ADAM28: variants seen among roughly 807,000 people sequenced by gnomAD.
ADAM28 encodes the protein disintegrin and metalloproteinase domain-containing protein 28.
A neutral mutation model predicts 101.2 loss-of-function variants in ADAM28; 105 were observed. That is an observed-to-expected ratio of 1.04 (90% CI 0.89 to 1.22). The LOEUF (loss-of-function observed/expected upper bound fraction) is 1.22, where lower values mean the gene tolerates loss of function less well. ADAM28 is among the 50% of genes most tolerant of loss of function. The probability of loss-of-function intolerance (pLI) is 0.00; values close to 1 mark genes in which losing one functional copy is unlikely to be tolerated. For missense variants in ADAM28, 1,028 were observed against 945.4 expected, an observed-to-expected ratio of 1.09 and a Z score of -1.15; for synonymous variants, 322 against 310.6, an observed-to-expected ratio of 1.04 and a Z score of -0.39.
At chr8:24,320,956 TAAG>T (rs2129287059) in intron 7 of ADAM28, among the ~76,000 whole-genome samples, 1 of 152,054 alleles carries the variant, frequency 6.6e-6, no homozygotes, top group Non-Finnish European at 1.5e-5. Context: ...CCATAGAATT[TAAG>T]TGAAAATACA....
chr8:24,338,088 G>A (rs1396754106), intron 14 of ADAM28, among the ~76,000 whole-genome samples: 1 of 152,094 alleles, frequency 6.6e-6, no homozygotes. Flanking sequence ...ACAGAAAAAT[G>A]CATACACAAA....
chr8:24,353,794 C>T lies in ADAM28; in HGVS notation c.2269C>T (p.Pro757Ser), dbSNP rs139099695. Residue 757 changes from proline to serine, a missense_variant, in exon 22 of 23, where the codon CCT (proline) becomes TCT (serine). Transcript: ENST00000265769. ...SFHKDTNALPPTVFKDNPVST... is the reference protein window; with the variant it reads ...SFHKDTNALPSTVFKDNPVST... ...GCATAAAGACACAAACGCACTTCCC[C>T]CTACTGTTTTCAAGGATAATCCAGT... 1.0e-4 allele frequency: 156 copies of T among 1,521,688 alleles called. No individual in the cohort carries two copies. The highest frequency in any genetic ancestry group is 1.3e-4 in the Non-Finnish European group (143 of 1,096,650). The allele number at this position is 1,521,688 out of a possible 1,614,324, so 94.3% of individuals were successfully genotyped here.
intron 1 of ADAM28, among the ~76,000 whole-genome samples, chr8:24,297,577 C>T (rs1808137273): frequency 1.3e-5 from 2 of 152,170 alleles, no homozygotes; most frequent in Admixed American, 6.5e-5. Context: ...TTGGCTGCAA[C>T]ATTGGTGAAA....
At chr8:24,346,121 A>C (rs959481450) in intron 18 of ADAM28, among the ~76,000 whole-genome samples, 2 of 152,086 alleles carry the variant, frequency 1.3e-5, no homozygotes, top group Non-Finnish European at 2.9e-5. Flanking sequence ...TACTATAGCT[A>C]TGGTCCTAAA....
At chr8:24,348,623 T>A (rs776869324) in intron 18 of ADAM28, among the ~76,000 whole-genome samples, 3 of 152,284 alleles carry the variant, frequency 2.0e-5, no homozygotes, top group South Asian at 4.1e-4. Context: ...TTGCAAAAAA[T>A]TTAAAGATTA....
At chr8:24,311,505 G>C in intron 5 of ADAM28, 68 bp downstream of exon 5, 2 of 1,236,478 alleles carry the variant, frequency 1.6e-6, no homozygotes, top group Non-Finnish European at 2.3e-6. Context: ...TAACCAACCA[G>C]ATGAATCCCA....
At chr8:24,315,073 T>A (rs1208077130) in intron 6 of ADAM28, among the ~76,000 whole-genome samples, 1 of 151,912 alleles carries the variant, frequency 6.6e-6, no homozygotes, top group Admixed American at 6.6e-5. Context: ...TAGGAGATCC[T>A]TACCTATAAA....
At position 24,304,590 on chromosome 8, in the gene ADAM28, G is replaced by T. The variant is rs143138670; in HGVS notation, c.150+4513G>T. Among the ~76,000 whole-genome samples, 1,046 of 152,230 alleles carry T rather than the reference G, an allele frequency of 6.9e-3. 15 individuals are homozygous for T. The highest frequency in any genetic ancestry group is 0.024 in the African/African-American group (993 of 41,538). ...TATTCAAGATTATGCTATGGGCTGG[G>T]TGCATTGGCTCACACCTGTAATCCC... On this transcript the variant is annotated intron_variant, in intron 2 of 22. Transcript: ENST00000265769.
At chr8:24,301,588 C>G (rs563799691) in intron 2 of ADAM28, among the ~76,000 whole-genome samples, 1 of 152,264 alleles carries the variant, frequency 6.6e-6, no homozygotes. Flanking sequence ...GAGATAGGGG[C>G]TCAGAAAATT....
chr8:24,356,731 TTCA>T lies in ADAM28; in HGVS notation c.*2332_*2334del, dbSNP rs1046082431. Reference sequence around the variant, plus strand: ...CCTCAGATATGCCACCAAACCTGTTTTCATCATTAGTTATTTTTACCTTGTCTA... The same window carrying T: ...CCTCAGATATGCCACCAAACCTGTTTTCATTAGTTATTTTTACCTTGTCTA... On this transcript the variant is annotated 3_prime_UTR_variant, in exon 23 of 23. Transcript: ENST00000265769. 4 of 152,188 alleles carry T rather than the reference TTCA, an allele frequency of 2.6e-5. No individual in the cohort carries two copies. Among genetic ancestry groups the T allele is most frequent in the African/African-American group, 7.2e-5 (3 of 41,452 alleles). The allele number at this position is 152,188 out of a possible 1,614,324, so 9.4% of individuals were successfully genotyped here. A position where few individuals can be genotyped will look rare whatever the true frequency, so the allele number is the denominator to read the frequency against.
chr8:24,295,305 C>G lies in ADAM28; in HGVS notation c.46+1110C>G, dbSNP rs145925074. On this transcript the variant is annotated intron_variant, in intron 1 of 22. Transcript: ENST00000265769. Reference sequence around the variant, plus strand: ...CACTGTGCTGTGATCCTCTTCATCTCTAATGCCTTTTGCTTTGATACCTAT... The same window carrying G: ...CACTGTGCTGTGATCCTCTTCATCTGTAATGCCTTTTGCTTTGATACCTAT... 6.4e-3 allele frequency among the ~76,000 whole-genome samples: 972 copies of G among 152,262 alleles called. 6 individuals carry two copies. Among genetic ancestry groups the G allele is most frequent in the Non-Finnish European group, 0.01 (689 of 68,024 alleles).
intron 6 of ADAM28, among the ~76,000 whole-genome samples, chr8:24,318,312 T>C (rs1811432022): frequency 6.6e-6 from 1 of 152,022 alleles, no homozygotes; most frequent in Admixed American, 6.6e-5. Context: ...GGCTTTCCTC[T>C]ACCTCAGGAG....
chr8:24,305,475 TTTA>T (rs1433372443), intron 2 of ADAM28, among the ~76,000 whole-genome samples: 27 of 142,980 alleles, frequency 1.9e-4, no homozygotes, highest in African/African-American at 6.4e-4. Flanking sequence ...TTTTTTTTTT[TTTA>T]AAATATGTCT....
At chr8:24,308,771 A>G (rs1810039244) in intron 2 of ADAM28, 2 of 451,028 alleles carry the variant, frequency 4.4e-6, no homozygotes, top group South Asian at 3.1e-5. Context: ...TAAGCAAAGT[A>G]TGGACTGTAA....
chr8:24,317,984 T>A (rs534098675), intron 6 of ADAM28, among the ~76,000 whole-genome samples: 1 of 152,148 alleles, frequency 6.6e-6, no homozygotes, highest in Admixed American at 6.6e-5. Flanking sequence ...CCAGCAGCCC[T>A]CAGAACCAGA....
intron 6 of ADAM28, 69 bp downstream of exon 6, chr8:24,313,649 A>G (rs1810771704): frequency 1.3e-6 from 2 of 1,486,564 alleles, no homozygotes; most frequent in South Asian, 2.6e-5. Context: ...TTAGCAGTGC[A>G]ATTTACTGAA....
chr8:24,309,336 A>C (rs1810124186), intron 2 of ADAM28, among the ~76,000 whole-genome samples: 1 of 152,130 alleles, frequency 6.6e-6, no homozygotes, highest in Admixed American at 6.6e-5. Flanking sequence ...CAAGACCAAA[A>C]ATCATGAGAT....
At chr8:24,353,532 G>A (rs902025555) in intron 21 of ADAM28, among the ~76,000 whole-genome samples, 1 of 152,050 alleles carries the variant, frequency 6.6e-6, no homozygotes, top group Admixed American at 6.6e-5. Flanking sequence ...CGCCCAAGAC[G>A]AGTGACACTG....
rs1370967592 is a variant in ADAM28, at chr8:24,320,314, A to G, written c.648+7A>G. On this transcript the variant is annotated splice_region_variant and intron_variant, in intron 7 of 22. Coordinates refer to ENST00000265769, the MANE Select transcript of ADAM28 (RefSeq NM_014265.6). ...GGTCCTGGATAATGGTGAGGTAATTATATGAGATAAATGTGCTGTCTTCCA... is the reference window on the plus strand; with the variant it reads ...GGTCCTGGATAATGGTGAGGTAATTGTATGAGATAAATGTGCTGTCTTCCA... 5 of 1,574,382 alleles carry G rather than the reference A, an allele frequency of 3.2e-6. No individual in the cohort carries two copies. The African/African-American group carries it at 4.1e-5, about 13-fold the overall frequency.
Sources: allele counts gnomAD v4.1 joint callset (sites outside exome capture counted in the v4.1 genomes callset), GRCh38; gene constraint gnomAD v4.1.1; transcripts MANE v1.5; gene names NCBI Gene and HGNC (gene_info 2026-07-23, HGNC 2026-07-21).